Variants in PITPNM1 observed in about 807,000 individuals in gnomAD.
PITPNM1 encodes membrane-associated phosphatidylinositol transfer protein 1.
Under a neutral mutation model 133.3 loss-of-function variants are expected in PITPNM1, and 74 were observed. The observed-to-expected ratio is 0.56, with a 90% CI of 0.46 to 0.67. PITPNM1 has a LOEUF of 0.67. Ranked by LOEUF, PITPNM1 falls within the 30% of genes least tolerant of loss-of-function variation. PITPNM1 has a pLI of 0.00. For missense variants in PITPNM1, 1,398 were observed against 1,739.5 expected, an observed-to-expected ratio of 0.80 and a Z score of 3.49; for synonymous variants, 738 against 741.4, an observed-to-expected ratio of 1.00 and a Z score of 0.08.
Position 67,502,063 on chromosome 11 carries a change from C to T in PITPNM1, c.439G>A (p.Ala147Thr). Residue 147 changes from alanine (A) to threonine (T), a missense_variant, in exon 5 of 24, where the codon GCA (alanine) becomes ACA (threonine). Ala to Thr is a moderately conservative substitution (Grantham distance 58). Coordinates refer to ENST00000356404, the MANE Select transcript of PITPNM1 (RefSeq NM_004910.3). This position sits in a 1 kb window ranked among gnomAD's most constrained non-coding sequence, Gnocchi z 5.9. ...GCTTTGTACTCGCCTGGGGCCACTG[C>T]ATCCCGCACGATGTCGATGGTGTCT... ...ILDTIDIVRD[A>T]VAPGEYKAEE... is the part of the protein sequence containing the mutation. 1 of 1,612,896 alleles carries T rather than the reference C, an allele frequency of 6.2e-7. No individual in the cohort carries two copies. The highest frequency in any genetic ancestry group is 1.3e-5 in the African/African-American group (1 of 75,070).
chr11:67,496,559 G>C (rs1866128747), intron 14 of PITPNM1: 1 of 521,562 alleles, frequency 1.9e-6, no homozygotes, highest in African/African-American at 2.0e-5. Flanking sequence ...CAGTACTGCG[G>C]GAGGCAGAAG....
rs1056455722 is a variant in PITPNM1 at position 67,504,330 on chromosome 11, C to T, written c.-41-109G>A. On this transcript the variant is annotated intron_variant, in intron 1 of 23. Transcript: ENST00000356404. This position sits in a 1 kb window ranked among gnomAD's most constrained non-coding sequence, Gnocchi z 5.4. ...CACGGGACCCCATGTCCGGGCCCGCCACGAGGGAGGCAGAGGCGAGCCTAG... is the reference window on the plus strand; with the variant it reads ...CACGGGACCCCATGTCCGGGCCCGCTACGAGGGAGGCAGAGGCGAGCCTAG... 2.8e-6 allele frequency: 1 copy of T among 358,474 alleles called. No individual in the cohort carries two copies. The highest frequency in any genetic ancestry group is 7.9e-4 in the Middle Eastern group (1 of 1,272). The allele number at this position is 358,474 out of a possible 1,614,324, so 22.2% of individuals were successfully genotyped here. A position where few individuals can be genotyped will look rare whatever the true frequency, so the allele number is the denominator to read the frequency against.
In PITPNM1 at chr11:67,505,067, T is replaced by A. The variant is rs73506048; in HGVS notation, c.-42+121A>T. ...ACCGAGGTTCCGCTGCAGGCACCCC[T>A]CCATCCCCCACTCGCACCCCGCGAG... On this transcript the variant is annotated intron_variant, in intron 1 of 23. Coordinates refer to ENST00000356404, the MANE Select transcript of PITPNM1 (RefSeq NM_004910.3). The surrounding 1 kb of genome is among the most constrained non-coding windows in gnomAD (Gnocchi z 5.8). 1 of 152,664 alleles carries A rather than the reference T, an allele frequency of 6.6e-6. No individual in the cohort carries two copies. The highest frequency in any genetic ancestry group is 6.5e-5 in the Admixed American group (1 of 15,278). 9.5% of individuals were successfully genotyped at this position (152,664 alleles called of 1,614,324 possible).
Position 67,492,223 on chromosome 11 carries a change from G to T in PITPNM1, c.3545C>A (p.Pro1182His). The part of the protein sequence containing the change: ...AGSHSHASSG[P>H]PRAALGKSSY... Reference sequence around the variant, plus strand: ...GCTCTTGCCCAAGGCAGCTCTCGGGGGTCCCGAGGAGGCATGCGAGTGCGA... The same window carrying T: ...GCTCTTGCCCAAGGCAGCTCTCGGGTGTCCCGAGGAGGCATGCGAGTGCGA... The change falls in exon 24 of 24, where the codon CCC becomes CAC. Residue 1182 changes from proline (P) to histidine (H), a missense_variant. Coordinates refer to ENST00000356404, the MANE Select transcript of PITPNM1 (RefSeq NM_004910.3). The T allele has an allele frequency of 6.2e-7, 1 of 1,609,000 alleles. No individual in the cohort carries two copies.
rs1866067495 is a variant in PITPNM1 at position 67,494,965 on chromosome 11, G to C, written c.2632-9C>G. The C allele has an allele frequency of 6.2e-7, 1 of 1,611,408 alleles. No homozygotes were observed. The highest frequency in any genetic ancestry group is 2.2e-5 in the East Asian group (1 of 44,848). On this transcript the variant is annotated splice_polypyrimidine_tract_variant and intron_variant, in intron 17 of 23. Coordinates refer to ENST00000356404, the MANE Select transcript of PITPNM1 (RefSeq NM_004910.3). ...CGCTCCTTCTCGATCACCTGCACGG[G>C]ACAGGGGGCGAGGCCTCTGTCTCTT...
At position 67,498,127 on chromosome 11, in the gene PITPNM1, G is replaced by A. The variant is rs373287717; in HGVS notation, c.1674+6C>T. The A allele has an allele frequency of 3.3e-5, 53 of 1,611,936 alleles. No individual in the cohort carries two copies. The Middle Eastern group carries it at 4.9e-4, about 15-fold the overall frequency. On this transcript the variant is annotated splice_donor_region_variant and intron_variant, in intron 11 of 23. Coordinates refer to ENST00000356404, the MANE Select transcript of PITPNM1 (RefSeq NM_004910.3). The surrounding 1 kb of genome is among the most constrained non-coding windows in gnomAD (Gnocchi z 5.7). Reference sequence around the variant, plus strand: ...GGCAGCAGATGGACTGTCCCTAACCGCTGACCTGCCCACAGAAGCCGGCAC... The same window carrying A: ...GGCAGCAGATGGACTGTCCCTAACCACTGACCTGCCCACAGAAGCCGGCAC...
In PITPNM1 at chr11:67,493,446, G is replaced by A. The variant is rs1321575627; in HGVS notation, c.3306C>T (p.Arg1102=). The change falls in exon 22 of 24, where the codon CGC becomes CGT. Residue 1102 remains arginine, a synonymous_variant. Coordinates refer to ENST00000356404, the MANE Select transcript of PITPNM1 (RefSeq NM_004910.3). The part of the protein sequence containing the change: ...FCDGLTHDPL[R]QKAMFLQSLV... ...GGCTCTGCAGAAACATTGCCTTCTG[G>A]CGTAGTGGGTCGTGGGTGAGGCCGT... 1.0e-5 allele frequency: 16 copies of A among 1,603,536 alleles called. No homozygotes were observed. The highest frequency in any genetic ancestry group is 1.4e-5 in the Non-Finnish European group (16 of 1,174,556).
chr11:67,505,038 T>G lies in PITPNM1; in HGVS notation c.-42+150A>C, dbSNP rs2134342522. 6.5e-6 allele frequency: 1 copy of G among 152,792 alleles called. No individual in the cohort carries two copies. Among genetic ancestry groups the G allele is most frequent in the Non-Finnish European group, 1.5e-5 (1 of 68,416 alleles). The allele number at this position is 152,792 out of a possible 1,614,324, so 9.5% of individuals were successfully genotyped here. A position where few individuals can be genotyped will look rare whatever the true frequency, so the allele number is the denominator to read the frequency against. On this transcript the variant is annotated intron_variant, in intron 1 of 23. Coordinates refer to ENST00000356404, the MANE Select transcript of PITPNM1 (RefSeq NM_004910.3). This position sits in a 1 kb window ranked among gnomAD's most constrained non-coding sequence, Gnocchi z 5.8. ...CGCTCCGTCCACCTGCGCCCCAGAC[T>G]GGCACCGAGGTTCCGCTGCAGGCAC...
rs776701668 is a variant in PITPNM1, at chr11:67,493,494, G to T, written c.3258C>A (p.Pro1086=). Residue 1086 remains proline (P), a synonymous_variant, in exon 22 of 24, where the codon CCC becomes CCA. Transcript: ENST00000356404. ...VVAWLSQHNF[P]HGVVSFCDGL... ...CGTCGCAGAAGGAGACGACGCCGTG[G>T]GGGAAGTTGTGCTGCGACAGCCATG... 1 of 1,601,856 alleles carries T rather than the reference G, an allele frequency of 6.2e-7. No homozygotes were observed. The highest frequency in any genetic ancestry group is 1.1e-5 in the South Asian group (1 of 89,428).
Position 67,495,226 on chromosome 11 carries a change from C to A in PITPNM1, c.2483-1G>T. 1 of 1,585,848 alleles carries A rather than the reference C, an allele frequency of 6.3e-7. No individual in the cohort carries two copies. The highest frequency in any genetic ancestry group is 1.1e-5 in the South Asian group (1 of 89,378). The stretch of plus-strand genomic sequence containing the variant: ...TTGGTCCCCCACCAGCGCTCCAGGA[C>A]TGCGCGGCCATGGCAGCGAGTCAGG... On this transcript the variant is annotated splice_acceptor_variant, in intron 16 of 23. Coordinates refer to ENST00000356404, the MANE Select transcript of PITPNM1 (RefSeq NM_004910.3). LOFTEE classifies it high-confidence loss of function.
chr11:67,495,149 G>A lies in PITPNM1; in HGVS notation c.2559C>T (p.Thr853=), dbSNP rs781344535. The A allele has an allele frequency of 3.1e-6, 5 of 1,612,406 alleles. No individual in the cohort carries two copies. Among genetic ancestry groups the A allele is most frequent in the Admixed American group, 3.3e-5 (2 of 60,010 alleles). The change falls in exon 17 of 24, where the codon ACC becomes ACT. Residue 853 remains threonine (T), a synonymous_variant. Transcript: ENST00000356404. ...YCPEALTAFP[T]VTLPHLFHAS... ...CGTGGAAGAGGTGGGGCAGCGTGAC[G>A]GTGGGAAAGGCGGTGAGCGCCTCGG...
intron 5 of PITPNM1, 86 bp from the exon 6 acceptor site, chr11:67,500,507 G>A: frequency 7.4e-7 from 1 of 1,358,110 alleles, no homozygotes; most frequent in Admixed American, 1.8e-5. Context: ...GTTGGATAAT[G>A]GCTCCCCTGG....
chr11:67,495,411 C>A (rs1256912478), intron 16 of PITPNM1, 27 bp downstream of exon 16: 2 of 1,472,382 alleles, frequency 1.4e-6, no homozygotes, highest in East Asian at 2.5e-5. Context: ...CACCCCCAGG[C>A]TGGACTGCCT....
intron 23 of PITPNM1, 33 bp from the exon 24 acceptor site, chr11:67,492,329 G>T (rs1865954770): frequency 2.0e-6 from 3 of 1,523,524 alleles, no homozygotes; most frequent in Admixed American, 2.1e-5. Context: ...ATGAGGGGGT[G>T]CTGGCCAAGG....
Position 67,502,636 on chromosome 11 carries a change from C to A in PITPNM1, c.161G>T (p.Gly54Val). ...ANRPYTDGPGGSGQYTHKVYH... is the reference protein window; with the variant it reads ...ANRPYTDGPGVSGQYTHKVYH... ...CACCTTGTGTGTGTATTGCCCGCTG[C>A]CCCCGGGCCCATCCGTGTAGGGCCG... Residue 54 changes from glycine (G) to valine (V), a missense_variant, in exon 3 of 24, where the codon GGC becomes GTC. Coordinates refer to ENST00000356404, the MANE Select transcript of PITPNM1 (RefSeq NM_004910.3). The surrounding 1 kb of genome is among the most constrained non-coding windows in gnomAD (Gnocchi z 5.9). 1 of 1,613,464 alleles carries A rather than the reference C, an allele frequency of 6.2e-7. No homozygotes were observed.
Position 67,504,289 on chromosome 11 carries a change from G to A in PITPNM1, c.-41-68C>T. On this transcript the variant is annotated intron_variant, in intron 1 of 23. Transcript: ENST00000356404. This position sits in a 1 kb window ranked among gnomAD's most constrained non-coding sequence, Gnocchi z 5.4. ...GCGCGGCCCCGAGCCCTGCGCGCCG[G>A]CCGAGGGACTCAGGCCACGGGACCC... 1.8e-6 allele frequency: 1 copy of A among 559,602 alleles called. No homozygotes were observed. The highest frequency in any genetic ancestry group is 2.6e-6 in the Non-Finnish European group (1 of 377,590). The allele number at this position is 559,602 out of a possible 1,614,324, so 34.7% of individuals were successfully genotyped here.
At position 67,504,295 on chromosome 11, in the gene PITPNM1, G is replaced by A. The variant is rs1275207518; in HGVS notation, c.-41-74C>T. The A allele has an allele frequency of 3.9e-6, 2 of 514,058 alleles. No homozygotes were observed. The highest frequency in any genetic ancestry group is 6.5e-5 in the South Asian group (1 of 15,402). 31.8% of individuals were successfully genotyped at this position (514,058 alleles called of 1,614,324 possible). A position where few individuals can be genotyped will look rare whatever the true frequency, so the allele number is the denominator to read the frequency against. On this transcript the variant is annotated intron_variant, in intron 1 of 23. Coordinates refer to ENST00000356404, the MANE Select transcript of PITPNM1 (RefSeq NM_004910.3). The surrounding 1 kb of genome is among the most constrained non-coding windows in gnomAD (Gnocchi z 5.4). ...CCCCGAGCCCTGCGCGCCGGCCGAGGGACTCAGGCCACGGGACCCCATGTC... is the reference window on the plus strand; with the variant it reads ...CCCCGAGCCCTGCGCGCCGGCCGAGAGACTCAGGCCACGGGACCCCATGTC...
In PITPNM1 at chr11:67,505,220, C is replaced by G. The variant is rs1700742198; in HGVS notation, c.-74G>C. Reference sequence around the variant, plus strand: ...TTGAGGCGGGCGCCCCTCACCCAGCCCGGGCAGGGCCGGCCGGCCCGTGGG... The same window carrying G: ...TTGAGGCGGGCGCCCCTCACCCAGCGCGGGCAGGGCCGGCCGGCCCGTGGG... On this transcript the variant is annotated 5_prime_UTR_variant, in exon 1 of 24. Transcript: ENST00000356404. This position sits in a 1 kb window ranked among gnomAD's most constrained non-coding sequence, Gnocchi z 5.8. The G allele has an allele frequency of 6.6e-6, 1 of 152,100 alleles. No individual in the cohort carries two copies. Among genetic ancestry groups the G allele is most frequent in the South Asian group, 2.1e-4 (1 of 4,838 alleles). The allele number at this position is 152,100 out of a possible 1,614,324, so 9.4% of individuals were successfully genotyped here. A position where few individuals can be genotyped will look rare whatever the true frequency, so the allele number is the denominator to read the frequency against.
rs950165226 is a variant in PITPNM1 at position 67,500,164 on chromosome 11, A to C, written c.898T>G (p.Ser300Ala). Residue 300 changes from serine to alanine, a missense_variant, in exon 6 of 24, where the codon TCC becomes GCC. Around this residue, in one of 5 missense-constraint regions of PITPNM1, gnomAD observed 195 missense variants for 178.8 expected, o/e 1.09. Transcript: ENST00000356404. ...TGCTTCCCAAAGCTGGCATCGGGGG[A>C]GGCATCTGGGCCTGGGGGGGCCTCA... ...GPEAPPGPDA[S>A]PDASFGKQWS... is the part of the protein sequence containing the mutation. 50 of 1,594,430 alleles carry C rather than the reference A, an allele frequency of 3.1e-5. No individual in the cohort carries two copies. Among genetic ancestry groups the C allele is most frequent in the Non-Finnish European group, 4.2e-5 (49 of 1,170,502 alleles).
Sources: gnomAD v4.1 joint callset for allele counts on GRCh38, gnomAD v4.1.1 for gene constraint, gnomAD v4.1.1 regional missense constraint, Gnocchi (gnomAD v3.1) non-coding constraint, MANE v1.5 for transcripts, NCBI Gene and HGNC (gene_info 2026-07-23, HGNC 2026-07-21) for gene names.